Variants in SIPA1L1 observed in about 807,000 individuals in gnomAD.
SIPA1L1 encodes signal induced proliferation associated 1 like 1.
Under a neutral mutation model 162.7 loss-of-function variants are expected in SIPA1L1, and 26 were observed. The observed-to-expected ratio is 0.16, with a 90% CI of 0.12 to 0.22. The LOEUF (loss-of-function observed/expected upper bound fraction) is 0.22. SIPA1L1 is among the 10% of genes least tolerant of loss of function. The pLI is 1.00. For missense variants in SIPA1L1, 1,874 were observed against 2,241.0 expected, an observed-to-expected ratio of 0.84 and a Z score of 3.31; for synonymous variants, 829 against 837.4, an observed-to-expected ratio of 0.99 and a Z score of 0.17.
intron 2 of SIPA1L1, among the ~76,000 whole-genome samples, chr14:71,345,522 A>T (rs1210732219): frequency 6.6e-6 from 1 of 150,772 alleles, no homozygotes; most frequent in Non-Finnish European, 1.5e-5. Flanking sequence ...GCTTCATTAG[A>T]CCTTGAAGGC....
chr14:71,435,666 T>C lies in SIPA1L1; in HGVS notation c.-464-77077T>C, dbSNP rs181410442. Among the ~76,000 whole-genome samples, 1,438 of 152,280 alleles carry C rather than the reference T, an allele frequency of 9.4e-3. 10 individuals carry two copies. Among genetic ancestry groups the C allele is most frequent in the Admixed American group, 0.016 (250 of 15,290 alleles). On this transcript the variant is annotated intron_variant, in intron 2 of 23. Transcript: ENST00000381232. ...TGCATGTGTCTTTATAGCAACATGA[T>C]TTATAGTCCTTTGGGTATATACCCA...
At chr14:71,449,343 G>A (rs1403321765) in intron 2 of SIPA1L1, among the ~76,000 whole-genome samples, 2 of 152,164 alleles carry the variant, frequency 1.3e-5, no homozygotes, top group Admixed American at 1.3e-4. Flanking sequence ...AACCAGATTG[G>A]GCTTTTGTTT....
intron 5 of SIPA1L1, among the ~76,000 whole-genome samples, chr14:71,601,789 A>G (rs182754193): frequency 1.3e-4 from 20 of 152,202 alleles, no homozygotes; most frequent in Admixed American, 2.0e-4. Context: ...CAGATTTTCT[A>G]CGTCTTCTGG....
intron 2 of SIPA1L1, among the ~76,000 whole-genome samples, chr14:71,465,815 AG>A (rs2142024699): frequency 6.6e-6 from 1 of 152,300 alleles, no homozygotes; most frequent in African/African-American, 2.4e-5. Context: ...AGGAGCAAGG[AG>A]AGCCAGTCCG....
intron 10 of SIPA1L1, among the ~76,000 whole-genome samples, chr14:71,667,227 C>G (rs1298844704): frequency 6.6e-6 from 1 of 152,192 alleles, no homozygotes; most frequent in African/African-American, 2.4e-5. Context: ...CCGCTCTGCA[C>G]ATGCTGCTCC....
At chr14:71,590,035 AAAAAAAAAAATATATATATATAT>A (rs1328217151) in intron 5 of SIPA1L1, among the ~76,000 whole-genome samples, 56 of 85,296 alleles carry the variant, frequency 6.6e-4, no homozygotes, top group Admixed American at 1.7e-3. Flanking sequence ...AAAAAAAAAA[AAAAAAAAAAATATATATATATAT>A]ATATATATAT....
At chr14:71,713,153 G>A (rs77082786) in intron 17 of SIPA1L1, among the ~76,000 whole-genome samples, 1,536 of 152,308 alleles carry the variant, frequency 0.01, 30 homozygotes, top group African/African-American at 0.036. Flanking sequence ...CCAGGAGTTA[G>A]AGGTCAATCT....
intron 2 of SIPA1L1, among the ~76,000 whole-genome samples, chr14:71,439,000 C>A (rs889509949): frequency 2.6e-5 from 4 of 151,938 alleles, no homozygotes; most frequent in Admixed American, 2.6e-4. Flanking sequence ...TTCCTGCTTA[C>A]TGTTTTTTGA....
chr14:71,593,998 G>A (rs2035735493), intron 5 of SIPA1L1, among the ~76,000 whole-genome samples: 1 of 152,180 alleles, frequency 6.6e-6, no homozygotes, highest in African/African-American at 2.4e-5. Flanking sequence ...TAATGCTTAT[G>A]CACCTAAATA....
intron 2 of SIPA1L1, among the ~76,000 whole-genome samples, chr14:71,335,933 T>TA (rs1160426614): frequency 6.6e-6 from 1 of 152,238 alleles, no homozygotes; most frequent in African/African-American, 2.4e-5. Context: ...CTTTCCTTTT[T>TA]AAGTACATAT....
intron 4 of SIPA1L1, among the ~76,000 whole-genome samples, chr14:71,557,507 C>T (rs956475686): frequency 6.6e-6 from 1 of 152,158 alleles, no homozygotes; most frequent in African/African-American, 2.4e-5. Flanking sequence ...CACAAAGGGG[C>T]CACTTGCACT....
At chr14:71,609,003 A>C (rs191943670) in intron 5 of SIPA1L1, among the ~76,000 whole-genome samples, 8 of 152,294 alleles carry the variant, frequency 5.3e-5, no homozygotes, top group Admixed American at 1.3e-4. Flanking sequence ...TGGGAATGCT[A>C]TTGATTTTAT....
intron 2 of SIPA1L1, among the ~76,000 whole-genome samples, chr14:71,412,917 C>A (rs766003667): frequency 6.6e-6 from 1 of 152,150 alleles, no homozygotes; most frequent in African/African-American, 2.4e-5. Flanking sequence ...GCTTAGCATT[C>A]ATAGGAAATA....
rs1403903114 is a variant in SIPA1L1, at chr14:71,631,751, A to AT, written c.1818+7522dup. The stretch of plus-strand genomic sequence containing the variant: ...CTTTACTATTTAGTATCCATATGTC[A>AT]TTTTTTTAAAACAGTTGGATTTTTG... On this transcript the variant is annotated intron_variant, in intron 7 of 23. Coordinates refer to ENST00000381232, the MANE Select transcript of SIPA1L1 (RefSeq NM_001386936.1). 2.6e-5 allele frequency among the ~76,000 whole-genome samples: 4 copies of AT among 152,234 alleles called. No homozygotes were observed. The South Asian group carries it at 6.2e-4, about 24-fold the overall frequency.
At position 71,723,666 on chromosome 14, in the gene SIPA1L1, T is replaced by G; in HGVS notation, c.4228T>G (p.Ser1410Ala). The G allele has an allele frequency of 1.9e-6, 3 of 1,614,174 alleles. No individual in the cohort carries two copies. The highest frequency in any genetic ancestry group is 2.5e-6 in the Non-Finnish European group (3 of 1,180,040). Reference protein sequence around the residue: ...SHTSTMSSRHSASPVVFTSAR... With the variant: ...SHTSTMSSRHAASPVVFTSAR... ...CCTCAGTACCATGAGCTCCCGACAC[T>G]CTGCCAGCCCAGTGGTTTTCACCAG... The change falls in exon 18 of 24, where the codon TCT becomes GCT. Residue 1410 changes from serine to alanine, a missense_variant. By Grantham distance (99) the Ser-to-Ala change is moderately conservative (BLOSUM62 1). Around this residue, in one of 5 missense-constraint regions of SIPA1L1, gnomAD observed 936 missense variants for 1,051.9 expected, o/e 0.89. Transcript: ENST00000381232.
At chr14:71,723,492 T>C (rs1314954743) in intron 17 of SIPA1L1, among the ~76,000 whole-genome samples, 155 bp from the exon 18 acceptor site, 2 of 152,178 alleles carry the variant, frequency 1.3e-5, no homozygotes, top group Non-Finnish European at 2.9e-5. Context: ...TAAATTATGA[T>C]GAGAAAGCCA....
intron 2 of SIPA1L1, among the ~76,000 whole-genome samples, chr14:71,366,688 G>A (rs2038330023): frequency 6.6e-6 from 1 of 151,768 alleles, no homozygotes; most frequent in Non-Finnish European, 1.5e-5. Context: ...CACCCGCCTC[G>A]GCCTCCCAAA....
intron 13 of SIPA1L1, among the ~76,000 whole-genome samples, chr14:71,690,171 A>G (rs995108884): frequency 1.3e-5 from 2 of 152,148 alleles, no homozygotes; most frequent in Admixed American, 6.5e-5. Context: ...GGATCCTGAA[A>G]TCATGGGACT....
intron 2 of SIPA1L1, among the ~76,000 whole-genome samples, chr14:71,466,891 A>G (rs1019349719): frequency 7.2e-5 from 11 of 152,202 alleles, no homozygotes; most frequent in African/African-American, 2.4e-4. Context: ...TTTCTCTTCC[A>G]TAGTAGTTCT....
Sources: allele counts gnomAD v4.1 joint callset (sites outside exome capture counted in the v4.1 genomes callset), GRCh38; gene constraint gnomAD v4.1.1; regional missense constraint gnomAD v4.1.1; transcripts MANE v1.5; gene names NCBI Gene and HGNC (gene_info 2026-07-23, HGNC 2026-07-21).